The following ARHGAP40 variants were observed in gnomAD, a reference collection of about 807,000 sequenced individuals.
ARHGAP40 encodes rho GTPase-activating protein 40.
In ARHGAP40, 43 loss-of-function variants were observed where a neutral mutation model predicts 73.5. The ratio of observed to expected loss-of-function variants is 0.58; its 90% CI spans 0.46 to 0.75. The LOEUF (loss-of-function observed/expected upper bound fraction) is 0.75. Among genes scored for constraint, ARHGAP40 ranks in the 30% least tolerant of loss-of-function variants. ARHGAP40 has a pLI of 0.00. For synonymous variants in ARHGAP40, 300 were observed against 352.8 expected (o/e 0.85, Z 1.68); for missense variants, 734 against 861.8 (o/e 0.85, Z 1.86).
At chr20:38,634,892 T>C (rs868787629) in intron 6 of ARHGAP40, 107 bp downstream of exon 6, 4 of 1,146,746 alleles carry the variant, frequency 3.5e-6, no homozygotes, top group Admixed American at 8.0e-5. Flanking sequence ...CTTTCTTTTT[T>C]TTTTTTTTGA....
At chr20:38,631,868 C>T (rs1233697134) in intron 5 of ARHGAP40, among the ~76,000 whole-genome samples, 1 of 152,214 alleles carries the variant, frequency 6.6e-6, no homozygotes, top group Non-Finnish European at 1.5e-5. Context: ...GTTGCAAAAA[C>T]AGAACTCCCA....
At chr20:38,639,669 G>C (rs1003118328) in intron 9 of ARHGAP40, among the ~76,000 whole-genome samples, 1 of 152,230 alleles carries the variant, frequency 6.6e-6, no homozygotes, top group Non-Finnish European at 1.5e-5. Context: ...GTTCTCACAT[G>C]GATGAGTGGA....
At chr20:38,617,939 C>T (rs2088851831) in intron 1 of ARHGAP40, among the ~76,000 whole-genome samples, 1 of 152,168 alleles carries the variant, frequency 6.6e-6, no homozygotes, top group Non-Finnish European at 1.5e-5. Flanking sequence ...TGAATTGGCT[C>T]TTACACTACA....
exon 1 of ARHGAP40, chr20:38,601,895 C>T: frequency 1.6e-6 from 2 of 1,286,652 alleles, no homozygotes; most frequent in Non-Finnish European, 2.0e-6. Context: ...CGAGTCAGCC[C>T]CACGGCGGCA....
intron 5 of ARHGAP40, among the ~76,000 whole-genome samples, chr20:38,632,262 C>A (rs545606280): frequency 4.4e-4 from 62 of 141,348 alleles, no homozygotes; most frequent in African/African-American, 1.6e-3. Context: ...CTGCACCCGG[C>A]CTAAATTTTT....
Position 38,634,608 on chromosome 20 carries a change from C to T in ARHGAP40, c.784-12C>T. On this transcript the variant is annotated splice_polypyrimidine_tract_variant and intron_variant, in intron 5 of 14. Coordinates refer to ENST00000373345, the Ensembl canonical transcript of ARHGAP40. ...CCTGACAAATTGTCTTTACTTCCCTCTCTATTAATAGAAGTTTACCGTCCC... is the reference window on the plus strand; with the variant it reads ...CCTGACAAATTGTCTTTACTTCCCTTTCTATTAATAGAAGTTTACCGTCCC... 7.7e-7 allele frequency: 1 copy of T among 1,305,392 alleles called. No individual in the cohort carries two copies. Among genetic ancestry groups the T allele is most frequent in the East Asian group, 5.6e-5 (1 of 18,018 alleles). 80.9% of individuals were successfully genotyped at this position (1,305,392 alleles called of 1,614,324 possible). A position where few individuals can be genotyped will look rare whatever the true frequency, so the allele number is the denominator to read the frequency against.
At chr20:38,643,005 A>T (rs915722590) in intron 10 of ARHGAP40, among the ~76,000 whole-genome samples, 20 of 152,088 alleles carry the variant, frequency 1.3e-4, no homozygotes, top group Non-Finnish European at 2.6e-4. Context: ...GCTGGGTGTG[A>T]TGGTGCACAC....
chr20:38,608,392 C>T (rs541297057), intron 1 of ARHGAP40, among the ~76,000 whole-genome samples: 142 of 152,320 alleles, frequency 9.3e-4, no homozygotes, highest in African/African-American at 3.3e-3. Context: ...CTAGTTACTA[C>T]TCTGTCCCCT....
exon 15 of ARHGAP40, chr20:38,650,586 T>C (rs1450198876): frequency 2.1e-6 from 1 of 468,736 alleles, no homozygotes; most frequent in Non-Finnish European, 4.4e-6. Flanking sequence ...AATCTTGTCA[T>C]TTTGTAATAT....
intron 5 of ARHGAP40, 53 bp from the exon 6 acceptor site, chr20:38,634,567 C>T: frequency 6.2e-6 from 8 of 1,291,132 alleles, no homozygotes; most frequent in Non-Finnish European, 8.2e-6. Flanking sequence ...CCCCAAAATA[C>T]ACATCAGACT....
intron 2 of ARHGAP40, 84 bp from the exon 3 acceptor site, chr20:38,626,911 G>A: frequency 9.1e-7 from 1 of 1,099,902 alleles, no homozygotes. Flanking sequence ...AGGTGAGTGT[G>A]TGCTTCTATG....
At position 38,628,406 on chromosome 20, in the gene ARHGAP40, G is replaced by A. The variant is rs368092395; in HGVS notation, c.559-521G>A. Among the ~76,000 whole-genome samples, 110 of 151,874 alleles carry A rather than the reference G, an allele frequency of 7.2e-4. 1 individual carries two copies. In the South Asian group the frequency reaches 0.016, roughly 22 times the overall value. On this transcript the variant is annotated intron_variant, in intron 3 of 14. Coordinates refer to ENST00000373345, the Ensembl canonical transcript of ARHGAP40. ...TGCAAGCTCCGCCTCCCGGGTTCAC[G>A]CCGTTCTCCTGCCTCAGCCTGCCGA...
At chr20:38,616,888 G>A (rs563177592) in intron 1 of ARHGAP40, among the ~76,000 whole-genome samples, 1 of 152,310 alleles carries the variant, frequency 6.6e-6, no homozygotes, top group East Asian at 1.9e-4. Context: ...CTCCTTCACA[G>A]CAAAGAATCA....
At chr20:38,620,252 G>A (rs1450399813) in intron 1 of ARHGAP40, among the ~76,000 whole-genome samples, 1 of 152,200 alleles carries the variant, frequency 6.6e-6, no homozygotes, top group African/African-American at 2.4e-5. Flanking sequence ...AGCTATATTT[G>A]TGAGGTTCTG....
Position 38,626,727 on chromosome 20 carries a change from C to T in ARHGAP40, c.338-268C>T, listed in dbSNP as rs77449170. On this transcript the variant is annotated intron_variant, in intron 2 of 14. Coordinates refer to ENST00000373345, the Ensembl canonical transcript of ARHGAP40. ...CTGAACATGCAGGGCCCTTCACCCA[C>T]CTCTGTTTTCCAGGGATTGCTATGT... Among the ~76,000 whole-genome samples the T allele has an allele frequency of 3.9e-5, 6 of 152,286 alleles. No individual in the cohort carries two copies. In the East Asian group the frequency reaches 1.2e-3, roughly 29 times the overall value.
chr20:38,633,968 G>A (rs2088957537), intron 5 of ARHGAP40, among the ~76,000 whole-genome samples: 1 of 152,228 alleles, frequency 6.6e-6, no homozygotes, highest in Non-Finnish European at 1.5e-5. Flanking sequence ...GGAAGGGCAG[G>A]CAGTGAAAAC....
intron 1 of ARHGAP40, among the ~76,000 whole-genome samples, chr20:38,609,061 A>C (rs1177116657): frequency 6.6e-6 from 1 of 152,206 alleles, no homozygotes; most frequent in African/African-American, 2.4e-5. Flanking sequence ...CCCCAAAATC[A>C]GCTGATTAGC....
Position 38,648,693 on chromosome 20 carries a change from A to C in ARHGAP40, c.1931A>C (p.Asn644Thr), listed in dbSNP as rs773977272. 20 of 1,305,652 alleles carry C rather than the reference A, an allele frequency of 1.5e-5. No homozygotes were observed. Among genetic ancestry groups the C allele is most frequent in the South Asian group, 2.5e-5 (2 of 81,032 alleles). The allele number at this position is 1,305,652 out of a possible 1,614,324, so 80.9% of individuals were successfully genotyped here. ...ATCCTCCTCTATGAAGTTGGAGGGAATATCAGTAAGTTCCACTGTGGGAAA... is the reference window on the plus strand; with the variant it reads ...ATCCTCCTCTATGAAGTTGGAGGGACTATCAGTAAGTTCCACTGTGGGAAA... Residue 644 changes from asparagine to threonine, a missense_variant, in exon 14 of 15, where the codon AAT becomes ACT. Physicochemically the swap from Asn to Thr is moderately conservative, Grantham distance 65. Transcript: ENST00000373345.
At chr20:38,634,510 C>CCACG (rs1487187456) in intron 5 of ARHGAP40, 110 bp from the exon 6 acceptor site, 3 of 975,478 alleles carry the variant, frequency 3.1e-6, no homozygotes, top group Non-Finnish European at 4.3e-6. Flanking sequence ...TTGCTCTTAT[C>CCACG]CACGCTGCTC....
Sources: allele counts gnomAD v4.1 joint callset (sites outside exome capture counted in the v4.1 genomes callset), GRCh38; gene constraint gnomAD v4.1.1; transcripts MANE v1.5; gene names NCBI Gene and HGNC (gene_info 2026-07-23, HGNC 2026-07-21).